TICRR: variants seen among roughly 807,000 people sequenced by gnomAD.
TICRR encodes the protein TOPBP1 interacting checkpoint and replication regulator, also known as treslin.
A neutral mutation model predicts 178.1 loss-of-function variants in TICRR; 132 were observed. That is an observed-to-expected ratio of 0.74 (90% confidence interval 0.64 to 0.86). The LOEUF (loss-of-function observed/expected upper bound fraction) is 0.86, where lower values mean the gene tolerates loss of function less well. TICRR is among the 40% of genes least tolerant of loss of function. TICRR has a pLI of 0.00. For missense variants in TICRR, 2,587 were observed against 2,334.3 expected (o/e 1.11, Z -2.23); for synonymous variants, 991 against 900.7 (o/e 1.10, Z -1.79).
chr15:89,627,114 C>G lies in TICRR; in HGVS notation c.*28C>G. ...ACAAACATTACTGAGCCCAAAAGAT[C>G]AAGGAGTCAGCCAGGACCCTGTGGA... On this transcript the variant is annotated 3_prime_UTR_variant, in exon 22 of 22. Coordinates refer to ENST00000268138, the MANE Select transcript of TICRR (RefSeq NM_152259.4). 1 of 1,613,042 alleles carries G rather than the reference C, an allele frequency of 6.2e-7. No homozygotes were observed. Among genetic ancestry groups the G allele is most frequent in the African/African-American group, 1.3e-5 (1 of 75,010 alleles).
chr15:89,581,715 G>A (rs939899556), intron 1 of TICRR, among the ~76,000 whole-genome samples: 4 of 152,210 alleles, frequency 2.6e-5, no homozygotes, highest in African/African-American at 7.2e-5. Flanking sequence ...AGGGCTTTGT[G>A]ATTATGCTGA....
intron 18 of TICRR, among the ~76,000 whole-genome samples, 174 bp from the exon 19 acceptor site, chr15:89,621,219 C>T (rs1431327146): frequency 1.3e-5 from 2 of 150,896 alleles, no homozygotes; most frequent in Non-Finnish European, 2.9e-5. Flanking sequence ...TGGTGTTTCG[C>T]TATGTTGGCC....
At position 89,594,489 on chromosome 15, in the gene TICRR, A is replaced by T; in HGVS notation, c.1616A>T (p.Glu539Val). ...GGCGAATTAATACATTGCCTTGCCG[A>T]GCTCTACCAGAGAAAATCTCGTGAA... ...TEGELIHCLA[E>V]LYQRKSREES... Residue 539 changes from glutamate (E) to valine (V), a missense_variant, in exon 6 of 22, where the codon GAG becomes GTG. By Grantham distance (121) the Glu-to-Val change is moderately radical. Coordinates refer to ENST00000268138, the MANE Select transcript of TICRR (RefSeq NM_152259.4). 1 of 1,613,426 alleles carries T rather than the reference A, an allele frequency of 6.2e-7. No individual in the cohort carries two copies. The highest frequency in any genetic ancestry group is 1.1e-5 in the South Asian group (1 of 90,972).
chr15:89,575,883 C>T lies in TICRR; in HGVS notation c.297C>T (p.His99=). 1 of 1,587,160 alleles carries T rather than the reference C, an allele frequency of 6.3e-7. No homozygotes were observed. The highest frequency in any genetic ancestry group is 8.6e-7 in the Non-Finnish European group (1 of 1,169,194). Residue 99 remains histidine (H), a synonymous_variant, in exon 1 of 22, where the codon CAC becomes CAT. Coordinates refer to ENST00000268138, the MANE Select transcript of TICRR (RefSeq NM_152259.4). The part of the protein sequence containing the change: ...HLPGPAPRAT[H]THGALMETLL... ...CCGGCCCGGCGCCCAGGGCCACCCACACGCACGGCGCCCTGATGGAGACGC... is the reference window on the plus strand; with the variant it reads ...CCGGCCCGGCGCCCAGGGCCACCCATACGCACGGCGCCCTGATGGAGACGC...
At chr15:89,590,559 G>T (rs551536270) in intron 4 of TICRR, among the ~76,000 whole-genome samples, 5 of 152,316 alleles carry the variant, frequency 3.3e-5, no homozygotes, top group Admixed American at 1.3e-4. Context: ...TTATAAATCA[G>T]TGTGCCGGCT....
intron 1 of TICRR, among the ~76,000 whole-genome samples, chr15:89,580,540 T>C (rs1962705622): frequency 6.6e-6 from 1 of 152,218 alleles, no homozygotes; most frequent in Non-Finnish European, 1.5e-5. Context: ...ACTAATTAAT[T>C]GGTTAATCTA....
chr15:89,589,018 G>A (rs889609336), intron 4 of TICRR, among the ~76,000 whole-genome samples: 1 of 152,126 alleles, frequency 6.6e-6, no homozygotes, highest in African/African-American at 2.4e-5. Context: ...CTCCAGCGCT[G>A]CAGGGGAAGC....
At chr15:89,593,778 A>G (rs1567042923) in intron 5 of TICRR, among the ~76,000 whole-genome samples, 2 of 152,226 alleles carry the variant, frequency 1.3e-5, no homozygotes, top group Non-Finnish European at 2.9e-5. Flanking sequence ...ACCCTGTGAT[A>G]TCTGTTCAAC....
chr15:89,598,297 T>C (rs1280546830), intron 7 of TICRR, among the ~76,000 whole-genome samples: 1 of 152,086 alleles, frequency 6.6e-6, no homozygotes, highest in Non-Finnish European at 1.5e-5. Context: ...TTGTTGTTTG[T>C]TCTTTCAGAT....
chr15:89,579,630 AT>A (rs1246113507), intron 1 of TICRR: 4 of 150,866 alleles, frequency 2.7e-5, no homozygotes, highest in Admixed American at 6.6e-5. Flanking sequence ...ACAGGCTGTT[AT>A]TTTTTTTTAA....
rs761941767 is a variant in TICRR, at chr15:89,584,438, A to G, written c.1087A>G (p.Met363Val). ...CAGCACTTTGGGCACTGACAGCTGG[A>G]TGCTAGGAAGTCCAGAGGAGAGCAC... Reference protein sequence around the residue: ...TSSTLGTDSWMLGSPEESTAT... With the variant: ...TSSTLGTDSWVLGSPEESTAT... The change falls in exon 3 of 22, where the codon ATG becomes GTG. Residue 363 changes from methionine (M) to valine (V), a missense_variant. Transcript: ENST00000268138. The G allele has an allele frequency of 1.2e-6, 2 of 1,613,870 alleles. No homozygotes were observed. The highest frequency in any genetic ancestry group is 1.3e-5 in the African/African-American group (1 of 74,918).
At chr15:89,605,023 C>T (rs1963154139) in intron 13 of TICRR, among the ~76,000 whole-genome samples, 1 of 152,068 alleles carries the variant, frequency 6.6e-6, no homozygotes, top group Non-Finnish European at 1.5e-5. Flanking sequence ...CGTATCTTAA[C>T]TCCAGAAGAT....
chr15:89,609,457 T>G (rs1041303364), intron 15 of TICRR, among the ~76,000 whole-genome samples: 1 of 151,838 alleles, frequency 6.6e-6, no homozygotes, highest in African/African-American at 2.4e-5. Context: ...GTTTATTGTT[T>G]TTTCTCTATT....
chr15:89,617,755 G>A (rs1003311975), intron 16 of TICRR, among the ~76,000 whole-genome samples: 6 of 148,594 alleles, frequency 4.0e-5, no homozygotes, highest in Middle Eastern at 3.2e-3. Context: ...GCAGTGGCGC[G>A]ATCCTGGCTC....
intron 5 of TICRR, among the ~76,000 whole-genome samples, chr15:89,592,628 A>G (rs1461709177): frequency 2.0e-5 from 3 of 152,004 alleles, no homozygotes; most frequent in Non-Finnish European, 4.4e-5. Context: ...ACCCTACAAA[A>G]GATAACAACA....
chr15:89,602,211 GA>G (rs1963110366), intron 12 of TICRR, among the ~76,000 whole-genome samples: 1 of 152,214 alleles, frequency 6.6e-6, no homozygotes, highest in African/African-American at 2.4e-5. Flanking sequence ...TACATCCTGA[GA>G]AATGCATTGT....
intron 5 of TICRR, among the ~76,000 whole-genome samples, chr15:89,594,201 T>G: frequency 6.6e-6 from 1 of 152,236 alleles, no homozygotes; most frequent in East Asian, 1.9e-4. Flanking sequence ...GGTTAATGGT[T>G]TTGTGAACAA....
chr15:89,623,878 A>G lies in TICRR; in HGVS notation c.3568A>G (p.Thr1190Ala), dbSNP rs199990027. ...GGCAGGAGAAGGTACCTCTCTTGAA[A>G]CGAAGACACCAAGAACTCCTAAGAG... ...TQAGEGTSLE[T>A]KTPRTPKRQG... The change falls in exon 20 of 22, where the codon ACG becomes GCG. Residue 1190 changes from threonine to alanine, a missense_variant. By Grantham distance (58) the Thr-to-Ala change is moderately conservative (BLOSUM62 0). Transcript: ENST00000268138. 1.1e-5 allele frequency: 18 copies of G among 1,613,974 alleles called. No homozygotes were observed. The African/African-American group carries it at 2.4e-4, about 22-fold the overall frequency.
At chr15:89,596,392 G>C (rs528472625) in intron 7 of TICRR, among the ~76,000 whole-genome samples, 1 of 151,794 alleles carries the variant, frequency 6.6e-6, no homozygotes. Context: ...TTTTGCCCAG[G>C]CTGGAGTGCA....
Sources: allele counts gnomAD v4.1 joint callset (sites outside exome capture counted in the v4.1 genomes callset), GRCh38; gene constraint gnomAD v4.1.1; transcripts MANE v1.5; gene names NCBI Gene and HGNC (gene_info 2026-07-23, HGNC 2026-07-21).